Variants in CTNND2 observed in about 807,000 individuals in gnomAD.
CTNND2 encodes the protein catenin delta 2.
A neutral mutation model predicts 144.4 loss-of-function variants in CTNND2; 22 were observed. The observed-to-expected ratio is 0.15, with a 90% confidence interval of 0.11 to 0.22. The LOEUF (loss-of-function observed/expected upper bound fraction) is 0.22, where lower values mean the gene tolerates loss of function less well. Among genes scored for constraint, CTNND2 ranks in the 10% least tolerant of loss-of-function variants. The pLI, the probability that CTNND2 is intolerant of heterozygous loss-of-function variation, is 1.00. For missense variants in CTNND2, 1,353 were observed against 1,618.8 expected, an observed-to-expected ratio of 0.84 and a Z score of 2.82; for synonymous variants, 751 against 695.6, an observed-to-expected ratio of 1.08 and a Z score of -1.25.
At chr5:11,550,143 G>A (rs1775633849) in intron 3 of CTNND2, among the ~76,000 whole-genome samples, 1 of 152,182 alleles carries the variant, frequency 6.6e-6, no homozygotes, top group African/African-American at 2.4e-5. Flanking sequence ...ACAGATTTCT[G>A]AGGTAACTGT....
At chr5:11,300,080 G>T (rs932807341) in intron 9 of CTNND2, among the ~76,000 whole-genome samples, 1 of 152,316 alleles carries the variant, frequency 6.6e-6, no homozygotes, top group East Asian at 1.9e-4. Context: ...CTCTGGGGGT[G>T]CAGGGACTCC....
chr5:11,770,440 G>GAAGA (rs1789859449), intron 1 of CTNND2, among the ~76,000 whole-genome samples: 2 of 138,432 alleles, frequency 1.4e-5, no homozygotes, highest in African/African-American at 5.9e-5. Flanking sequence ...AGGAAGGAAG[G>GAAGA]AAGGAAGGAA....
Position 11,159,737 on chromosome 5 carries a change from T to C in CTNND2, c.1998A>G (p.Ser666=). 1 of 1,603,326 alleles carries C rather than the reference T, an allele frequency of 6.2e-7. No individual in the cohort carries two copies. Among genetic ancestry groups the C allele is most frequent in the South Asian group, 1.1e-5 (1 of 89,162 alleles). Residue 666 remains serine, a synonymous_variant, in exon 12 of 22, where the codon TCA becomes TCG. Transcript: ENST00000304623. ...LVTGVLWNLS[S]CDALKMPIIQ... ...TGATTGGCATTTTGAGTGCATCGCATGAGGAGAGGTTCCAAAGGACTCCTG... is the reference window on the plus strand; with the variant it reads ...TGATTGGCATTTTGAGTGCATCGCACGAGGAGAGGTTCCAAAGGACTCCTG...
intron 3 of CTNND2, among the ~76,000 whole-genome samples, chr5:11,434,646 G>T (rs1218079989): frequency 6.6e-6 from 1 of 151,990 alleles, no homozygotes; most frequent in East Asian, 1.9e-4. Context: ...GAAAGAGGGG[G>T]TAGAAAAAGG....
chr5:11,379,254 C>T (rs1248962530), intron 7 of CTNND2, among the ~76,000 whole-genome samples: 1 of 152,124 alleles, frequency 6.6e-6, no homozygotes, highest in Non-Finnish European at 1.5e-5. Context: ...AATAATGAGT[C>T]ACTTAAATAA....
chr5:11,304,983 G>A (rs1475735227), intron 9 of CTNND2, among the ~76,000 whole-genome samples: 1 of 152,114 alleles, frequency 6.6e-6, no homozygotes, highest in Non-Finnish European at 1.5e-5. Context: ...CTGAATGAAT[G>A]CATCTCGGCA....
At chr5:11,236,658 C>T in intron 10 of CTNND2, 33 bp downstream of exon 10, 1 of 1,610,732 alleles carries the variant, frequency 6.2e-7, no homozygotes, top group Non-Finnish European at 8.5e-7. Context: ...ATGAATCTGA[C>T]ACCAATCATT....
intron 3 of CTNND2, among the ~76,000 whole-genome samples, chr5:11,532,310 C>A (rs1408017483): frequency 7.0e-6 from 1 of 143,626 alleles, no homozygotes; most frequent in African/African-American, 2.5e-5. Flanking sequence ...CCCACCCCCA[C>A]CCCTCCTCCA....
intron 5 of CTNND2, among the ~76,000 whole-genome samples, chr5:11,400,398 A>C (rs923649233): frequency 9.2e-5 from 14 of 152,126 alleles, no homozygotes; most frequent in African/African-American, 3.1e-4. Context: ...CCATGGTCTC[A>C]TTTGCCTTCA....
chr5:11,166,410 G>A (rs186007164), intron 11 of CTNND2, among the ~76,000 whole-genome samples: 48 of 151,700 alleles, frequency 3.2e-4, no homozygotes, highest in African/African-American at 7.5e-4. Flanking sequence ...CACCACGCCC[G>A]GCTAAATTTT....
At chr5:11,459,247 G>A (rs114433777) in intron 3 of CTNND2, among the ~76,000 whole-genome samples, 1,735 of 152,282 alleles carry the variant, frequency 0.011, 13 homozygotes, top group Non-Finnish European at 0.018. Context: ...GTACAACAAT[G>A]CTGTCGATGA....
At chr5:11,870,483 G>T (rs564811481) in intron 1 of CTNND2, among the ~76,000 whole-genome samples, 1 of 152,358 alleles carries the variant, frequency 6.6e-6, no homozygotes, top group East Asian at 1.9e-4. Context: ...ACTTGGAGAT[G>T]AATTTGCTTA....
chr5:11,638,936 G>A (rs932797998), intron 2 of CTNND2, among the ~76,000 whole-genome samples: 1 of 152,142 alleles, frequency 6.6e-6, no homozygotes, highest in African/African-American at 2.4e-5. Flanking sequence ...AGATTTCCAT[G>A]ATCTGTGACA....
chr5:11,680,654 A>G (rs534502768), intron 2 of CTNND2, among the ~76,000 whole-genome samples: 173 of 152,322 alleles, frequency 1.1e-3, no homozygotes, highest in Non-Finnish European at 2.0e-3. Context: ...GGAAATGAAT[A>G]GGAGGAGGAG....
chr5:11,701,018 T>C (rs1201129375), intron 2 of CTNND2, among the ~76,000 whole-genome samples: 3 of 152,212 alleles, frequency 2.0e-5, no homozygotes. Flanking sequence ...AGTTATTTTA[T>C]TAAACAGATG....
intron 3 of CTNND2, among the ~76,000 whole-genome samples, chr5:11,462,746 T>C (rs1766330668): frequency 1.3e-5 from 2 of 152,214 alleles, no homozygotes; most frequent in Admixed American, 6.5e-5. Context: ...TTGTTTTTAA[T>C]AATTTTTAAT....
intron 16 of CTNND2, among the ~76,000 whole-genome samples, chr5:11,048,598 G>A (rs1745520489): frequency 1.3e-5 from 2 of 152,134 alleles, no homozygotes; most frequent in South Asian, 4.1e-4. Flanking sequence ...TAACATCCCT[G>A]CCCCACACTG....
At chr5:11,898,592 T>G (rs1314095335) in intron 1 of CTNND2, among the ~76,000 whole-genome samples, 2 of 152,148 alleles carry the variant, frequency 1.3e-5, no homozygotes, top group Admixed American at 1.3e-4. Context: ...TGTTATAAAG[T>G]AAACATCCTA....
At chr5:11,622,494 A>C (rs2126431158) in intron 2 of CTNND2, among the ~76,000 whole-genome samples, 1 of 152,286 alleles carries the variant, frequency 6.6e-6, no homozygotes, top group Non-Finnish European at 1.5e-5. Flanking sequence ...CATCTCAGTT[A>C]TATTCATATG....
Sources: allele counts gnomAD v4.1 joint callset (sites outside exome capture counted in the v4.1 genomes callset), GRCh38; gene constraint gnomAD v4.1.1; transcripts MANE v1.5; gene names NCBI Gene and HGNC (gene_info 2026-07-23, HGNC 2026-07-21).